FAT4: variants seen among roughly 807,000 people sequenced by gnomAD.
FAT4 encodes FAT atypical cadherin 4.
In FAT4, 84 loss-of-function variants were observed where a neutral mutation model predicts 303.9. That is an observed-to-expected ratio of 0.28 (90% confidence interval 0.23 to 0.33). The LOEUF (loss-of-function observed/expected upper bound fraction) is 0.33. Among genes scored for constraint, FAT4 ranks in the 10% least tolerant of loss-of-function variants. The pLI is 1.00. For missense variants in FAT4, 6,005 were observed against 6,146.8 expected (o/e 0.98, Z 0.77); for synonymous variants, 2,307 against 2,298.8 (o/e 1.00, Z -0.10).
chr4:125,451,103 C>A lies in FAT4; in HGVS notation c.10093C>A (p.Arg3365=), dbSNP rs2126060372. ...GQIYVSGILD[R]EKEERVSLKV... is the part of the protein sequence containing the mutation. The stretch of plus-strand genomic sequence containing the variant: ...GATTTATGTTTCTGGAATTCTTGAT[C>A]GAGAAAAAGAAGAAAGGGTGTCTTT... Residue 3365 remains arginine (R), a synonymous_variant, in exon 10 of 18, where the codon CGA becomes AGA. Transcript: ENST00000394329. The A allele has an allele frequency of 6.2e-7, 1 of 1,613,900 alleles. No individual in the cohort carries two copies. Among genetic ancestry groups the A allele is most frequent in the Non-Finnish European group, 8.5e-7 (1 of 1,179,966 alleles).
At chr4:125,460,899 A>T in intron 10 of FAT4, among the ~76,000 whole-genome samples, 1 of 152,230 alleles carries the variant, frequency 6.6e-6, no homozygotes, top group East Asian at 1.9e-4. Context: ...CAAAGTAAAA[A>T]GGAACAACCT....
chr4:125,371,148 C>CAAAA (rs1197394937), intron 2 of FAT4, among the ~76,000 whole-genome samples: 4 of 97,870 alleles, frequency 4.1e-5, no homozygotes, highest in Non-Finnish European at 7.9e-5. Context: ...AACTCCATCT[C>CAAAA]AAAAAAAAAA....
In FAT4 at chr4:125,463,555, T is replaced by C. The variant is rs371559598; in HGVS notation, c.11801-8T>C. On this transcript the variant is annotated splice_region_variant and splice_polypyrimidine_tract_variant and intron_variant, in intron 10 of 17. Transcript: ENST00000394329. ...GATTTAAAAAAAACTGAATTTGATA[T>C]ATTTTAGGGAAAATGTGTGAATCTT... 5.9e-6 allele frequency: 9 copies of C among 1,535,302 alleles called. No individual in the cohort carries two copies. In the African/African-American group the frequency reaches 1.1e-4, roughly 19 times the overall value.
intron 8 of FAT4, among the ~76,000 whole-genome samples, chr4:125,442,203 C>T (rs1316392789): frequency 1.3e-5 from 2 of 152,076 alleles, no homozygotes; most frequent in African/African-American, 4.8e-5. Flanking sequence ...GTTAAATTTA[C>T]CTTTCTCTGA....
rs1444098423 is a variant in FAT4, at chr4:125,490,352, C to G, written c.13536C>G (p.Gly4512=). Residue 4512 remains glycine (G), a synonymous_variant, in exon 18 of 18, where the codon GGC becomes GGG. Transcript: ENST00000394329. ...TGTGGGCTGTGCCTGCCATCGTGGG[C>G]AGCTGCGCAACCGTCTTGGCCCTCC... ...LPLWAVPAIV[G]SCATVLALLV... 6.2e-7 allele frequency: 1 copy of G among 1,614,012 alleles called. No individual in the cohort carries two copies. The highest frequency in any genetic ancestry group is 8.5e-7 in the Non-Finnish European group (1 of 1,180,046).
At chr4:125,452,933 T>A in intron 10 of FAT4, 123 bp downstream of exon 10, 2 of 1,229,162 alleles carry the variant, frequency 1.6e-6, no homozygotes, top group Non-Finnish European at 2.3e-6. Context: ...CAAATGTTTT[T>A]AAACATTTAC....
chr4:125,412,178 G>A (rs566122748), intron 5 of FAT4, among the ~76,000 whole-genome samples: 4 of 151,852 alleles, frequency 2.6e-5, no homozygotes, highest in African/African-American at 7.2e-5. Flanking sequence ...CAAATATTCC[G>A]GGAGAAATTT....
At chr4:125,393,239 T>C (rs1734039489) in intron 2 of FAT4, among the ~76,000 whole-genome samples, 1 of 152,192 alleles carries the variant, frequency 6.6e-6, no homozygotes, top group African/African-American at 2.4e-5. Flanking sequence ...ACATTTGATT[T>C]AAGCTGCAGA....
chr4:125,408,235 A>G (rs1376612943), intron 4 of FAT4, among the ~76,000 whole-genome samples: 3 of 152,156 alleles, frequency 2.0e-5, no homozygotes, highest in Admixed American at 2.0e-4. Context: ...CCTGAGGTCC[A>G]CTGGATATCT....
intron 11 of FAT4, among the ~76,000 whole-genome samples, chr4:125,464,488 C>CTT (rs35860222): frequency 9.1e-4 from 130 of 142,270 alleles, no homozygotes; most frequent in Admixed American, 1.3e-3. Flanking sequence ...TGTCTCTTTT[C>CTT]TTTTTTTTTT....
chr4:125,487,220 C>T, intron 16 of FAT4, 125 bp from the exon 17 acceptor site: 1 of 767,976 alleles, frequency 1.3e-6, no homozygotes, highest in Non-Finnish European at 2.0e-6. Flanking sequence ...TATTCTAATA[C>T]AACCAGATTC....
chr4:125,479,812 C>T lies in FAT4; in HGVS notation c.12551C>T (p.Ser4184Leu). The T allele has an allele frequency of 1.2e-6, 2 of 1,604,982 alleles. No homozygotes were observed. The highest frequency in any genetic ancestry group is 1.7e-6 in the Non-Finnish European group (2 of 1,173,450). The change falls in exon 15 of 18, where the codon TCA (serine) becomes TTA (leucine). Residue 4184 changes from serine to leucine, a missense_variant. Physicochemically the swap from Ser to Leu is moderately radical, Grantham distance 145. Transcript: ENST00000394329. ...GGTGGCACATGTATGGATTACTGGT[C>T]ATGGCAGCAGTGTCATTGCAAAGAG... Reference protein sequence around the residue: ...QHGGTCMDYWSWQQCHCKEGL... With the variant: ...QHGGTCMDYWLWQQCHCKEGL...
chr4:125,481,777 C>G lies in FAT4; in HGVS notation c.12822+39C>G, dbSNP rs369814386. On this transcript the variant is annotated intron_variant, in intron 16 of 17. Transcript: ENST00000394329. ...TAATGGTGACTTCATTTGATTAGACCGCCTGCCGTGTAGTGGTTTAAATCA... is the reference window on the plus strand; with the variant it reads ...TAATGGTGACTTCATTTGATTAGACGGCCTGCCGTGTAGTGGTTTAAATCA... 1.2e-5 allele frequency: 19 copies of G among 1,560,214 alleles called. No homozygotes were observed. In the East Asian group the frequency reaches 3.2e-4, roughly 26 times the overall value.
In FAT4 at chr4:125,317,780, T is replaced by C; in HGVS notation, c.1369T>C (p.Ser457Pro). ...TGGCGCAGCAGTCCAGGCGCGCTCT[T>C]CTGTGGCAAGCCTGGTGATTTTTGT... ...PPGAAVQARSSVASLVIFVND... is the reference protein window; with the variant it reads ...PPGAAVQARSPVASLVIFVND... The change falls in exon 2 of 18, where the codon TCT (serine) becomes CCT (proline). Residue 457 changes from serine (S) to proline (P), a missense_variant. Transcript: ENST00000394329. This position sits in a 1 kb window ranked among gnomAD's most constrained non-coding sequence, Gnocchi z 7.0. 6.2e-7 allele frequency: 1 copy of C among 1,614,196 alleles called. No homozygotes were observed. The highest frequency in any genetic ancestry group is 8.5e-7 in the Non-Finnish European group (1 of 1,180,030).
At chr4:125,379,855 A>T (rs2125997811) in intron 2 of FAT4, among the ~76,000 whole-genome samples, 1 of 151,692 alleles carries the variant, frequency 6.6e-6, no homozygotes, top group East Asian at 2.0e-4. Flanking sequence ...ATATGTATAC[A>T]TATTTCTAGC....
intron 10 of FAT4, among the ~76,000 whole-genome samples, chr4:125,460,762 G>A (rs1312414266): frequency 1.3e-5 from 2 of 152,020 alleles, no homozygotes; most frequent in Admixed American, 6.6e-5. Context: ...GTATGTGTCT[G>A]TATGGTAAAA....
At position 125,319,202 on chromosome 4, in the gene FAT4, A is replaced by G. The variant is rs1730806878; in HGVS notation, c.2791A>G (p.Ser931Gly). 6.2e-7 allele frequency: 1 copy of G among 1,614,176 alleles called. No individual in the cohort carries two copies. Residue 931 changes from serine (S) to glycine (G), a missense_variant, in exon 2 of 18, where the codon AGT becomes GGT. Coordinates refer to ENST00000394329, the MANE Select transcript of FAT4 (RefSeq NM_001291303.3). ...DEGVNGMVLY[S>G]LKQNPKNLFA... ...AGGTGTCAATGGCATGGTACTCTAT[A>G]GTCTGAAGCAAAACCCCAAGAACCT...
At chr4:125,477,880 C>T (rs1401182147) in intron 14 of FAT4, among the ~76,000 whole-genome samples, 1 of 151,812 alleles carries the variant, frequency 6.6e-6, no homozygotes, top group African/African-American at 2.4e-5. Context: ...TTTTAAAATT[C>T]CTTTTGTTCA....
intron 7 of FAT4, among the ~76,000 whole-genome samples, chr4:125,424,474 G>A (rs1319799791): frequency 6.6e-6 from 1 of 152,138 alleles, no homozygotes; most frequent in Non-Finnish European, 1.5e-5. Flanking sequence ...GGTTAATTGT[G>A]AGTCAATTAA....
Sources: allele counts gnomAD v4.1 joint callset (sites outside exome capture counted in the v4.1 genomes callset), GRCh38; gene constraint gnomAD v4.1.1; non-coding constraint Gnocchi (gnomAD v3.1); transcripts MANE v1.5; gene names NCBI Gene and HGNC (gene_info 2026-07-23, HGNC 2026-07-21).